COL23A1: variants seen among roughly 807,000 people sequenced by gnomAD.
COL23A1 encodes collagen alpha-1(XXIII) chain.
COL23A1 carries 97 observed loss-of-function variants against 99.3 expected under a neutral mutation model. The ratio of observed to expected loss-of-function variants is 0.98; its 90% CI spans 0.83 to 1.16. The LOEUF is 1.16. Among genes scored for constraint, COL23A1 ranks in the 50% most tolerant of loss-of-function variants. The pLI is 0.00. For synonymous variants in COL23A1, 320 were observed against 308.2 expected, an observed-to-expected ratio of 1.04 and a Z score of -0.40; for missense variants, 762 against 757.4, an observed-to-expected ratio of 1.01 and a Z score of -0.07.
chr5:178,253,714 C>T (rs1765157630), intron 16 of COL23A1, among the ~76,000 whole-genome samples: 1 of 151,980 alleles, frequency 6.6e-6, no homozygotes, highest in African/African-American at 2.4e-5. Flanking sequence ...AACTCCTCAC[C>T]TCGTGATCCA....
rs1045314516 is a variant in COL23A1, at chr5:178,439,751, T to C, written c.361+120931A>G. On this transcript the variant is annotated intron_variant, in intron 2 of 28. Coordinates refer to ENST00000390654, the MANE Select transcript of COL23A1 (RefSeq NM_173465.4). This position sits in a 1 kb window ranked among gnomAD's most constrained non-coding sequence, Gnocchi z 4.2. The stretch of plus-strand genomic sequence containing the variant: ...TACGTCCATACAACTCAGATGCAAA[T>C]GCTCATAGAAGCGTTCTTCAAAATA... 1 of 152,208 alleles carries C rather than the reference T, an allele frequency of 6.6e-6. No individual in the cohort carries two copies. Among genetic ancestry groups the C allele is most frequent in the Non-Finnish European group, 1.5e-5 (1 of 68,060 alleles). The allele number at this position is 152,208 out of a possible 1,614,324, so 9.4% of individuals were successfully genotyped here. A position where few individuals can be genotyped will look rare whatever the true frequency, so the allele number is the denominator to read the frequency against.
intron 8 of COL23A1, among the ~76,000 whole-genome samples, chr5:178,265,207 A>G (rs1026107014): frequency 1.3e-5 from 2 of 152,244 alleles, no homozygotes; most frequent in African/African-American, 4.8e-5. Context: ...TTAAAAAATC[A>G]GCAGAAGTTC....
At position 178,366,842 on chromosome 5, in the gene COL23A1, A is replaced by G. The variant is rs1762510364; in HGVS notation, c.362-59923T>C. On this transcript the variant is annotated intron_variant, in intron 2 of 28. Transcript: ENST00000390654. The surrounding 1 kb of genome is among the most constrained non-coding windows in gnomAD (Gnocchi z 4.4). ...AGCTTTTCTGACTCCTTCACCCAGG[A>G]AGCAGGGTCCTGCCCTCCTCTGCAG... Among the ~76,000 whole-genome samples the G allele has an allele frequency of 6.6e-6, 1 of 152,156 alleles. No individual in the cohort carries two copies. The highest frequency in any genetic ancestry group is 1.5e-5 in the Non-Finnish European group (1 of 68,030).
chr5:178,517,559 TTTTTTTTTG>T (rs1177040273), intron 2 of COL23A1, among the ~76,000 whole-genome samples: 3 of 98,806 alleles, frequency 3.0e-5, no homozygotes, highest in Admixed American at 9.9e-5. Context: ...TGACAGCAGT[TTTTTTTTTG>T]TTTTTTTTTT....
rs967305179 is a variant in COL23A1, at chr5:178,255,819, T to C, written c.882+534A>G. 5.0e-6 allele frequency: 2 copies of C among 402,144 alleles called. No homozygotes were observed. The highest frequency in any genetic ancestry group is 3.8e-4 in the Middle Eastern group (1 of 2,660). 24.9% of individuals were successfully genotyped at this position (402,144 alleles called of 1,614,324 possible). ...GCCAGGCGGGGGCTCAGATCCATTT[T>C]TTTTGGAGGAAGAAGCCAGCCTCTG... On this transcript the variant is annotated intron_variant, in intron 15 of 28. Transcript: ENST00000390654. This position sits in a 1 kb window ranked among gnomAD's most constrained non-coding sequence, Gnocchi z 4.2.
At chr5:178,375,227 G>C (rs1225586049) in intron 2 of COL23A1, among the ~76,000 whole-genome samples, 2 of 151,902 alleles carry the variant, frequency 1.3e-5, no homozygotes, top group Non-Finnish European at 2.9e-5. Flanking sequence ...AATCCACAGG[G>C]ACAGAAAGTA....
At chr5:178,521,912 T>C (rs1486239444) in intron 2 of COL23A1, among the ~76,000 whole-genome samples, 1 of 152,196 alleles carries the variant, frequency 6.6e-6, no homozygotes, top group Non-Finnish European at 1.5e-5. Context: ...ATGGAAAATT[T>C]TGGCAATACG....
rs2913852 is a variant in COL23A1, at chr5:178,248,173, C to T, written c.1212+19G>A. ...GACTGGGTGTTGGGGGAAGCCCTGA[C>T]CCCCCCATACCCCCTTACCAGGCTC... On this transcript the variant is annotated intron_variant, in intron 20 of 28. Transcript: ENST00000390654. The T allele has an allele frequency of 2.6e-6, 4 of 1,513,832 alleles. No individual in the cohort carries two copies. Among genetic ancestry groups the T allele is most frequent in the Non-Finnish European group, 3.6e-6 (4 of 1,100,248 alleles). 93.8% of individuals were successfully genotyped at this position (1,513,832 alleles called of 1,614,324 possible). A position where few individuals can be genotyped will look rare whatever the true frequency, so the allele number is the denominator to read the frequency against.
chr5:178,247,729 T>G (rs1428658817), intron 21 of COL23A1, 46 bp downstream of exon 21: 6 of 1,601,336 alleles, frequency 3.7e-6, no homozygotes, highest in Middle Eastern at 1.7e-4. Flanking sequence ...CCCCGCCTCT[T>G]GGTTTCCTGG....
In COL23A1 at chr5:178,414,906, T is replaced by C. The variant is rs139854310; in HGVS notation, c.362-107987A>G. On this transcript the variant is annotated intron_variant, in intron 2 of 28. Transcript: ENST00000390654. The stretch of plus-strand genomic sequence containing the variant: ...CCATCGAGCCCACCTAGGTAGGTGA[T>C]GACGTGTGGAGGTGTGGGTAGGGGT... Among the ~76,000 whole-genome samples, 435 of 152,104 alleles carry C rather than the reference T, an allele frequency of 2.9e-3. 3 individuals are homozygous for C. Among genetic ancestry groups the C allele is most frequent in the African/African-American group, 9.8e-3 (406 of 41,512 alleles).
chr5:178,533,898 T>C (rs1307687986), intron 2 of COL23A1, among the ~76,000 whole-genome samples: 4 of 152,172 alleles, frequency 2.6e-5, no homozygotes, highest in Admixed American at 6.5e-5. Context: ...GCTCATTCCT[T>C]AGGGAGGCTT....
intron 2 of COL23A1, among the ~76,000 whole-genome samples, chr5:178,391,381 T>C (rs1209743532): frequency 1.3e-5 from 2 of 152,222 alleles, no homozygotes; most frequent in Non-Finnish European, 2.9e-5. Context: ...ACGTAAAGGA[T>C]TCTTACAAGT....
At chr5:178,326,048 A>AC (rs945448188) in intron 2 of COL23A1, among the ~76,000 whole-genome samples, 4 of 152,096 alleles carry the variant, frequency 2.6e-5, no homozygotes, top group African/African-American at 9.7e-5. Context: ...AGCACCCGAG[A>AC]CCCCAGATAA....
chr5:178,369,407 A>G (rs926739653), intron 2 of COL23A1, among the ~76,000 whole-genome samples: 1 of 152,198 alleles, frequency 6.6e-6, no homozygotes, highest in East Asian at 1.9e-4. Flanking sequence ...ACACCCCTCC[A>G]TGGCAGGTAA....
chr5:178,254,280 CCA>C (rs1491084063), intron 16 of COL23A1, among the ~76,000 whole-genome samples: 5 of 151,892 alleles, frequency 3.3e-5, no homozygotes, highest in African/African-American at 7.3e-5. Context: ...CCACGCCACA[CCA>C]CGCCACGCCA....
chr5:178,456,312 A>C (rs1767789738), intron 2 of COL23A1, among the ~76,000 whole-genome samples: 1 of 152,254 alleles, frequency 6.6e-6, no homozygotes, highest in African/African-American at 2.4e-5. Context: ...AATGGAAAAA[A>C]TAAATGAAGC....
chr5:178,422,890 T>C (rs565825421), intron 2 of COL23A1, among the ~76,000 whole-genome samples: 2 of 152,224 alleles, frequency 1.3e-5, no homozygotes, highest in Non-Finnish European at 2.9e-5. Context: ...ATGTGACTTA[T>C]AATTTTCTGA....
chr5:178,482,796 G>A (rs557476065), intron 2 of COL23A1, among the ~76,000 whole-genome samples: 2 of 152,356 alleles, frequency 1.3e-5, no homozygotes, highest in African/African-American at 4.8e-5. Context: ...CAGCTATTCA[G>A]GAGGCTGAGG....
intron 1 of COL23A1, among the ~76,000 whole-genome samples, chr5:178,572,072 C>CAAAACAAAAAA (rs762501300): frequency 1.8e-5 from 2 of 109,496 alleles, no homozygotes; most frequent in African/African-American, 7.8e-5. Flanking sequence ...TTTCTCAAAA[C>CAAAACAAAAAA]AAAAAAAAAA....
Sources: allele counts gnomAD v4.1 joint callset (sites outside exome capture counted in the v4.1 genomes callset), GRCh38; gene constraint gnomAD v4.1.1; non-coding constraint Gnocchi (gnomAD v3.1); transcripts MANE v1.5; gene names NCBI Gene and HGNC (gene_info 2026-07-23, HGNC 2026-07-21).